Variants in GALNTL6 observed in about 807,000 individuals in gnomAD.
GALNTL6 encodes polypeptide N-acetylgalactosaminyltransferase-like 6.
Under a neutral mutation model 73.7 loss-of-function variants are expected in GALNTL6, and 46 were observed. The ratio of observed to expected loss-of-function variants is 0.62; its 90% CI spans 0.49 to 0.80. GALNTL6 has a LOEUF of 0.80. Ranked by LOEUF, GALNTL6 falls within the 30% of genes least tolerant of loss-of-function variation. The pLI is 0.00. For missense variants in GALNTL6, 604 were observed against 755.0 expected, an observed-to-expected ratio of 0.80 and a Z score of 2.34; for synonymous variants, 259 against 263.7, an observed-to-expected ratio of 0.98 and a Z score of 0.17.
At chr4:172,800,195 G>A (rs1740550447) in intron 5 of GALNTL6, among the ~76,000 whole-genome samples, 2 of 152,072 alleles carry the variant, frequency 1.3e-5, no homozygotes, top group Non-Finnish European at 2.9e-5. Context: ...ACAACAATGT[G>A]AATATGCTTA....
chr4:172,783,623 T>C (rs1242601751), intron 5 of GALNTL6, among the ~76,000 whole-genome samples: 2 of 151,714 alleles, frequency 1.3e-5, no homozygotes, highest in Non-Finnish European at 2.9e-5. Context: ...CGTACAGTTC[T>C]GGAAGCCAGA....
At chr4:172,814,289 C>A (rs554870336) in intron 7 of GALNTL6, among the ~76,000 whole-genome samples, 1 of 152,186 alleles carries the variant, frequency 6.6e-6, no homozygotes, top group Admixed American at 6.5e-5. Flanking sequence ...TTAAGTACAT[C>A]CTGTACAGAG....
chr4:172,540,845 T>G (rs1051787777), intron 5 of GALNTL6, among the ~76,000 whole-genome samples: 13 of 152,316 alleles, frequency 8.5e-5, no homozygotes, highest in African/African-American at 3.1e-4. Flanking sequence ...GTTATATAGA[T>G]GAAGCCTCAT....
At chr4:172,992,935 T>C (rs988913007) in intron 10 of GALNTL6, among the ~76,000 whole-genome samples, 2 of 152,186 alleles carry the variant, frequency 1.3e-5, no homozygotes, top group Non-Finnish European at 2.9e-5. Context: ...CTCCAAAAGT[T>C]AGTTCACCCT....
At chr4:172,796,220 T>C (rs1740254862) in intron 5 of GALNTL6, among the ~76,000 whole-genome samples, 1 of 152,094 alleles carries the variant, frequency 6.6e-6, no homozygotes, top group Non-Finnish European at 1.5e-5. Context: ...GATGAATACA[T>C]TTGGGTTCCA....
intron 5 of GALNTL6, among the ~76,000 whole-genome samples, chr4:172,398,684 G>C (rs1246653923): frequency 1.3e-5 from 2 of 151,972 alleles, no homozygotes; most frequent in Non-Finnish European, 2.9e-5. Context: ...AGAAGGTATT[G>C]GTTCAATAAA....
intron 5 of GALNTL6, among the ~76,000 whole-genome samples, chr4:172,561,809 G>A (rs720635): frequency 0.84 from 127,044 of 152,042 alleles, 53,271 homozygotes; most frequent in South Asian, 0.89. Flanking sequence ...TTTTTTTATA[G>A]CTCCTCCAGA....
chr4:172,045,771 A>G (rs964520531), intron 2 of GALNTL6, among the ~76,000 whole-genome samples: 9 of 151,880 alleles, frequency 5.9e-5, no homozygotes, highest in Admixed American at 3.3e-4. Flanking sequence ...ACTAAAAAAA[A>G]AAAAGAAAAA....
rs575897143 is a variant in GALNTL6 at position 173,007,940 on chromosome 4, A to G, written c.1372-1238A>G. Reference sequence around the variant, plus strand: ...TATTGAGTTCCTTATATCAGTGCTAACATAATTGTAAAGAATTATCCTTTT... The same window carrying G: ...TATTGAGTTCCTTATATCAGTGCTAGCATAATTGTAAAGAATTATCCTTTT... On this transcript the variant is annotated intron_variant, in intron 10 of 12. Coordinates refer to ENST00000506823, the MANE Select transcript of GALNTL6 (RefSeq NM_001034845.3). Among the ~76,000 whole-genome samples, 3 of 152,336 alleles carry G rather than the reference A, an allele frequency of 2.0e-5. No individual in the cohort carries two copies. In the South Asian group the frequency reaches 6.2e-4, roughly 32 times the overall value.
intron 2 of GALNTL6, among the ~76,000 whole-genome samples, chr4:172,202,492 T>C (rs966368140): frequency 4.6e-5 from 7 of 152,210 alleles, no homozygotes; most frequent in Non-Finnish European, 1.0e-4. Context: ...TGTGTGTATA[T>C]AGAAACACAA....
chr4:172,311,528 A>G (rs2136033), intron 3 of GALNTL6, 86 bp from the exon 4 acceptor site: 1,112,278 of 1,120,100 alleles, frequency 0.99, 552,617 homozygotes, highest in East Asian at 1. Context: ...AATAGGCGAT[A>G]ATACACATTC....
chr4:172,602,018 G>A (rs976066501), intron 5 of GALNTL6, among the ~76,000 whole-genome samples: 10 of 152,000 alleles, frequency 6.6e-5, no homozygotes, highest in African/African-American at 2.2e-4. Flanking sequence ...GATAGAAGAC[G>A]TCATCAGAAA....
chr4:172,790,979 T>C (rs572138991), intron 5 of GALNTL6, among the ~76,000 whole-genome samples: 1 of 150,114 alleles, frequency 6.7e-6, no homozygotes, highest in South Asian at 2.1e-4. Flanking sequence ...GATCTAGAGA[T>C]GAAGTGTGCA....
intron 2 of GALNTL6, among the ~76,000 whole-genome samples, chr4:172,006,014 A>G (rs987995801): frequency 2.0e-5 from 3 of 152,152 alleles, no homozygotes; most frequent in Non-Finnish European, 4.4e-5. Flanking sequence ...CAGATCTTAC[A>G]TTTTAATTGC....
rs1734085005 is a variant in GALNTL6, at chr4:172,151,458, C to T, written c.139-78198C>T. ...AAGAACCATAAAATATATTTTCCAA[C>T]ATTATTTATGCAAGATAAAAACAAA... On this transcript the variant is annotated intron_variant, in intron 2 of 12. Transcript: ENST00000506823. Among the ~76,000 whole-genome samples the T allele has an allele frequency of 2.6e-5, 4 of 152,096 alleles. No individual in the cohort carries two copies. In the South Asian group the frequency reaches 8.3e-4, roughly 32 times the overall value.
chr4:171,884,989 G>A lies in GALNTL6; in HGVS notation c.138+70271G>A, dbSNP rs187268217. On this transcript the variant is annotated intron_variant, in intron 2 of 12. Coordinates refer to ENST00000506823, the MANE Select transcript of GALNTL6 (RefSeq NM_001034845.3). ...GGAGAATTGCTTGAACCCAGGAGGC[G>A]GAGGTTGCAGTGAGCTGAGATTGTG... 7.8e-3 allele frequency among the ~76,000 whole-genome samples: 1,177 copies of A among 151,728 alleles called. 13 individuals are homozygous for A. The highest frequency in any genetic ancestry group is 0.022 in the African/African-American group (902 of 41,346).
At chr4:172,422,639 C>T (rs1472726531) in intron 5 of GALNTL6, among the ~76,000 whole-genome samples, 4 of 151,890 alleles carry the variant, frequency 2.6e-5, no homozygotes, top group African/African-American at 7.3e-5. Context: ...ACTTTTATGT[C>T]TAGCTCAGAT....
chr4:172,910,155 A>G (rs1487402363), intron 8 of GALNTL6, among the ~76,000 whole-genome samples: 1 of 152,114 alleles, frequency 6.6e-6, no homozygotes, highest in Non-Finnish European at 1.5e-5. Context: ...ATAGTTTCAT[A>G]TGCAGACAAT....
At chr4:172,142,854 C>T (rs1733836395) in intron 2 of GALNTL6, among the ~76,000 whole-genome samples, 2 of 151,862 alleles carry the variant, frequency 1.3e-5, no homozygotes, top group Non-Finnish European at 2.9e-5. Context: ...TTTTTGTATA[C>T]ATTAACAGAA....
Sources: allele counts gnomAD v4.1 joint callset (sites outside exome capture counted in the v4.1 genomes callset), GRCh38; gene constraint gnomAD v4.1.1; transcripts MANE v1.5; gene names NCBI Gene and HGNC (gene_info 2026-07-23, HGNC 2026-07-21).